The following TSHZ1 variants were observed in gnomAD, a reference collection of about 807,000 sequenced individuals.
The protein encoded by TSHZ1 is teashirt zinc finger homeobox 1, also known as teashirt homolog 1.
In TSHZ1, 12 loss-of-function variants were observed where a neutral mutation model predicts 67.1. The observed-to-expected ratio is 0.18, with a 90% confidence interval of 0.11 to 0.29. The LOEUF (loss-of-function observed/expected upper bound fraction) is 0.29, where lower values mean the gene tolerates loss of function less well. Ranked by LOEUF, TSHZ1 falls within the 10% of genes least tolerant of loss-of-function variation. The pLI is 1.00. For missense variants in TSHZ1, 1,305 were observed against 1,413.9 expected (o/e 0.92, Z 1.23); for synonymous variants, 632 against 622.4 (o/e 1.02, Z -0.23).
intron 1 of TSHZ1, among the ~76,000 whole-genome samples, chr18:75,221,422 G>A (rs1190307727): frequency 6.6e-6 from 1 of 152,186 alleles, no homozygotes; most frequent in Non-Finnish European, 1.5e-5. Flanking sequence ...TCAGAAACCT[G>A]TATTTATTAC....
In TSHZ1 at chr18:75,211,252, G is replaced by C. The variant is rs1007684714; in HGVS notation, c.-625G>C. Reference sequence around the variant, plus strand: ...ATCTCCCCCCGGCGCATGTATGTACGGGGGCTTCACTCCTCTGTCTTGTTT... The same window carrying C: ...ATCTCCCCCCGGCGCATGTATGTACCGGGGCTTCACTCCTCTGTCTTGTTT... On this transcript the variant is annotated 5_prime_UTR_variant, in exon 1 of 2. Coordinates refer to ENST00000580243, the MANE Select transcript of TSHZ1 (RefSeq NM_001308210.2). 7.2e-5 allele frequency: 11 copies of C among 151,914 alleles called. No individual in the cohort carries two copies. Among genetic ancestry groups the C allele is most frequent in the African/African-American group, 1.7e-4 (7 of 41,318 alleles). 9.4% of individuals were successfully genotyped at this position (151,914 alleles called of 1,614,324 possible). A position where few individuals can be genotyped will look rare whatever the true frequency, so the allele number is the denominator to read the frequency against.
intron 1 of TSHZ1, among the ~76,000 whole-genome samples, chr18:75,213,164 A>T (rs1410664906): frequency 6.6e-6 from 1 of 152,232 alleles, no homozygotes; most frequent in African/African-American, 2.4e-5. Flanking sequence ...TACTAAAAAA[A>T]TTTGGGAATA....
chr18:75,223,307 G>A (rs567920593), intron 1 of TSHZ1, among the ~76,000 whole-genome samples: 10 of 152,254 alleles, frequency 6.6e-5, no homozygotes, highest in African/African-American at 1.4e-4. Context: ...TTATGTGCTC[G>A]TATAGGGAAG....
rs148468723 is a variant in TSHZ1, at chr18:75,287,290, C to G, written c.1883C>G (p.Thr628Arg). 3.1e-6 allele frequency: 5 copies of G among 1,614,070 alleles called. No individual in the cohort carries two copies. Among genetic ancestry groups the G allele is most frequent in the East Asian group, 2.2e-5 (1 of 44,842 alleles). ...NALLHSPGSL[T>R]PPPHKSNVSA... The stretch of plus-strand genomic sequence containing the variant: ...CTCCTGCACTCCCCAGGGAGCCTCA[C>G]GCCCCCACCGCACAAGAGCAACGTG... Residue 628 changes from threonine (T) to arginine (R), a missense_variant, in exon 2 of 2, where the codon ACG becomes AGG. Physicochemically the swap from Thr to Arg is moderately conservative, Grantham distance 71. Coordinates refer to ENST00000580243, the MANE Select transcript of TSHZ1 (RefSeq NM_001308210.2). The surrounding 1 kb of genome is among the most constrained non-coding windows in gnomAD (Gnocchi z 5.0).
chr18:75,253,564 C>T (rs576450909), intron 1 of TSHZ1, among the ~76,000 whole-genome samples: 2 of 152,266 alleles, frequency 1.3e-5, no homozygotes, highest in African/African-American at 4.8e-5. Context: ...AGTGTAGAAT[C>T]AGTGAGATAC....
At chr18:75,249,088 C>T (rs1474937762) in intron 1 of TSHZ1, among the ~76,000 whole-genome samples, 2 of 152,160 alleles carry the variant, frequency 1.3e-5, no homozygotes, top group African/African-American at 4.8e-5. Context: ...AAGCCAGGTC[C>T]TTCACCGCCC....
intron 1 of TSHZ1, among the ~76,000 whole-genome samples, chr18:75,238,012 A>C (rs867489443): frequency 6.6e-5 from 10 of 152,104 alleles, no homozygotes; most frequent in East Asian, 1.9e-4. Context: ...GGGTTTCTCC[A>C]TGTTGGTCAG....
intron 1 of TSHZ1, among the ~76,000 whole-genome samples, chr18:75,214,554 A>G (rs2022742239): frequency 1.3e-5 from 2 of 152,150 alleles, no homozygotes; most frequent in Admixed American, 6.5e-5. Flanking sequence ...GGCCTGCCTC[A>G]CTGTTCCATC....
rs547869550 is a variant in TSHZ1 at position 75,226,801 on chromosome 18, G to A, written c.40+14885G>A. Among the ~76,000 whole-genome samples, 59 of 152,286 alleles carry A rather than the reference G, an allele frequency of 3.9e-4. 2 individuals are homozygous for A. The South Asian group carries it at 8.9e-3, about 23-fold the overall frequency. ...AACGCCGCCGACAAAGCCTGAGAGAGTTCATTTTGCAGTCCCTCCTACCCT... is the reference window on the plus strand; with the variant it reads ...AACGCCGCCGACAAAGCCTGAGAGAATTCATTTTGCAGTCCCTCCTACCCT... On this transcript the variant is annotated intron_variant, in intron 1 of 1. Transcript: ENST00000580243.
At chr18:75,276,022 T>C (rs929587662) in intron 1 of TSHZ1, among the ~76,000 whole-genome samples, 5 of 152,234 alleles carry the variant, frequency 3.3e-5, no homozygotes, top group Non-Finnish European at 5.9e-5. Flanking sequence ...GTTTAAGCTC[T>C]GATTTGTGCT....
In TSHZ1 at chr18:75,252,742, T is replaced by C. The variant is rs1347571750; in HGVS notation, c.41-32706T>C. On this transcript the variant is annotated intron_variant, in intron 1 of 1. Transcript: ENST00000580243. ...CCAAGAATATAGATATATGTATATA[T>C]GTATATATTTGCGATTGTCTTTCAA... Among the ~76,000 whole-genome samples, 3 of 152,188 alleles carry C rather than the reference T, an allele frequency of 2.0e-5. No individual in the cohort carries two copies. In the South Asian group the frequency reaches 6.2e-4, roughly 31 times the overall value.
intron 1 of TSHZ1, among the ~76,000 whole-genome samples, chr18:75,237,658 GT>G (rs1307347851): frequency 4.6e-5 from 7 of 152,140 alleles, no homozygotes; most frequent in African/African-American, 1.7e-4. Context: ...GTGACTGCAA[GT>G]ATTTGTAGGA....
Position 75,250,255 on chromosome 18 carries a change from C to T in TSHZ1, c.41-35193C>T, listed in dbSNP as rs373020896. Among the ~76,000 whole-genome samples, 35 of 152,272 alleles carry T rather than the reference C, an allele frequency of 2.3e-4. No individual in the cohort carries two copies. In the South Asian group the frequency reaches 7.0e-3, roughly 31 times the overall value. On this transcript the variant is annotated intron_variant, in intron 1 of 1. Coordinates refer to ENST00000580243, the MANE Select transcript of TSHZ1 (RefSeq NM_001308210.2). The stretch of plus-strand genomic sequence containing the variant: ...TGACCTCCTGGCTGGCCCTGCCAGG[C>T]TCTTCCCTGTCCCCAGTCGCAAGGG...
In TSHZ1 at chr18:75,285,941, C is replaced by G. The variant is rs955528521; in HGVS notation, c.534C>G (p.Ser178Arg). Residue 178 changes from serine to arginine, a missense_variant, in exon 2 of 2, where the codon AGC becomes AGG. By Grantham distance (110) the Ser-to-Arg change is moderately radical. Coordinates refer to ENST00000580243, the MANE Select transcript of TSHZ1 (RefSeq NM_001308210.2). ...CCACCACGAGCACGCCCAGCACCAGCTGCAGCTCCAGCACCAGCCACAGCA... is the reference window on the plus strand; with the variant it reads ...CCACCACGAGCACGCCCAGCACCAGGTGCAGCTCCAGCACCAGCCACAGCA... Reference protein sequence around the residue: ...TGPTTSTPSTSCSSSTSHSST... With the variant: ...TGPTTSTPSTRCSSSTSHSST... 6.4e-7 allele frequency: 1 copy of G among 1,559,658 alleles called. No individual in the cohort carries two copies. The highest frequency in any genetic ancestry group is 8.7e-7 in the Non-Finnish European group (1 of 1,153,580).
At chr18:75,212,977 G>A (rs2022719096) in intron 1 of TSHZ1, among the ~76,000 whole-genome samples, 2 of 152,296 alleles carry the variant, frequency 1.3e-5, no homozygotes, top group Non-Finnish European at 2.9e-5. Context: ...CTCTCTCCAA[G>A]CTCTTAGGGT....
Position 75,286,541 on chromosome 18 carries a change from G to A in TSHZ1, c.1134G>A (p.Glu378=). Residue 378 remains glutamate, a synonymous_variant, in exon 2 of 2, where the codon GAG becomes GAA. Transcript: ENST00000580243. The surrounding 1 kb of genome is among the most constrained non-coding windows in gnomAD (Gnocchi z 5.1). ...TGGCCGCAGAGGTGGCCCTGAGTGA[G>A]TCAGCCAAGGATCAGAAAGCAGCGA... ...AGMAAEVALS[E]SAKDQKAANP... 6.2e-7 allele frequency: 1 copy of A among 1,614,194 alleles called. No individual in the cohort carries two copies. Among genetic ancestry groups the A allele is most frequent in the Non-Finnish European group, 8.5e-7 (1 of 1,180,046 alleles).
intron 1 of TSHZ1, among the ~76,000 whole-genome samples, chr18:75,217,210 T>C (rs541042644): frequency 1.7e-4 from 26 of 152,316 alleles, no homozygotes; most frequent in African/African-American, 5.8e-4. Context: ...CGATTAACAG[T>C]GTCATAAACA....
At chr18:75,278,556 A>G (rs2023643388) in intron 1 of TSHZ1, among the ~76,000 whole-genome samples, 1 of 151,796 alleles carries the variant, frequency 6.6e-6, no homozygotes, top group South Asian at 2.1e-4. Context: ...CCAGTTTTGG[A>G]AGGGTACGGG....
chr18:75,230,485 GCT>G (rs2022983795), intron 1 of TSHZ1, among the ~76,000 whole-genome samples: 1 of 152,212 alleles, frequency 6.6e-6, no homozygotes, highest in Non-Finnish European at 1.5e-5. Flanking sequence ...ACATTATGGA[GCT>G]CAGCAAATGT....
Sources: allele counts gnomAD v4.1 joint callset (sites outside exome capture counted in the v4.1 genomes callset), GRCh38; gene constraint gnomAD v4.1.1; non-coding constraint Gnocchi (gnomAD v3.1); transcripts MANE v1.5; gene names NCBI Gene and HGNC (gene_info 2026-07-23, HGNC 2026-07-21).